Variants in SMPD3 observed in about 807,000 individuals in gnomAD.
SMPD3 encodes the protein sphingomyelin phosphodiesterase 3, also known as nSMase-2.
In SMPD3, 21 loss-of-function variants were observed where a neutral mutation model predicts 55.7. That is an observed-to-expected ratio of 0.38 (90% CI 0.27 to 0.54). The LOEUF (loss-of-function observed/expected upper bound fraction) is 0.54. Ranked by LOEUF, SMPD3 falls within the 20% of genes least tolerant of loss-of-function variation. SMPD3 has a pLI of 0.80. For synonymous variants in SMPD3, 457 were observed against 404.3 expected, an observed-to-expected ratio of 1.13 and a Z score of -1.56; for missense variants, 842 against 899.6, an observed-to-expected ratio of 0.94 and a Z score of 0.82.
chr16:68,432,122 A>AG (rs1288715804), intron 1 of SMPD3, among the ~76,000 whole-genome samples: 4 of 152,170 alleles, frequency 2.6e-5, no homozygotes, highest in Non-Finnish European at 5.9e-5. Context: ...TCGCAAAAAA[A>AG]AAAAAGAAAA....
intron 1 of SMPD3, among the ~76,000 whole-genome samples, chr16:68,436,957 A>T (rs2090527169): frequency 6.6e-6 from 1 of 152,210 alleles, no homozygotes; most frequent in African/African-American, 2.4e-5. Context: ...GTGTGAGATA[A>T]GGTTGGCAGT....
intron 1 of SMPD3, among the ~76,000 whole-genome samples, chr16:68,387,020 A>C (rs1488238230): frequency 6.6e-6 from 1 of 152,142 alleles, no homozygotes; most frequent in Non-Finnish European, 1.5e-5. Flanking sequence ...GAAGAGGTGA[A>C]TTCAAAAGCT....
In SMPD3 at chr16:68,419,055, T is replaced by G. The variant is rs886245399; in HGVS notation, c.-269+29298A>C. Among the ~76,000 whole-genome samples the G allele has an allele frequency of 7.9e-5, 12 of 152,074 alleles. 1 individual carries two copies. The highest frequency in any genetic ancestry group is 6.5e-4 in the Admixed American group (10 of 15,276). ...AGGGCAGGCCCCAGTATGGTCTATT[T>G]GTAGAAATAGGCCTCAGGAGAGGTG... On this transcript the variant is annotated intron_variant, in intron 1 of 8. Coordinates refer to ENST00000219334, the MANE Select transcript of SMPD3 (RefSeq NM_018667.4).
At chr16:68,412,713 G>T (rs577564778) in intron 1 of SMPD3, among the ~76,000 whole-genome samples, 1 of 152,304 alleles carries the variant, frequency 6.6e-6, no homozygotes, top group South Asian at 2.1e-4. Context: ...TGGAAAGCCT[G>T]CCAATTCCCA....
At chr16:68,384,370 C>G (rs992340018) in intron 2 of SMPD3, among the ~76,000 whole-genome samples, 1 of 152,216 alleles carries the variant, frequency 6.6e-6, no homozygotes, top group African/African-American at 2.4e-5. Flanking sequence ...TAGGCTGAGG[C>G]CAAACAGGCC....
At chr16:68,398,458 G>A (rs749059704) in intron 1 of SMPD3, among the ~76,000 whole-genome samples, 1 of 152,190 alleles carries the variant, frequency 6.6e-6, no homozygotes, top group South Asian at 2.1e-4. Flanking sequence ...TTTGAGCCCC[G>A]AGGAGGATCC....
intron 1 of SMPD3, among the ~76,000 whole-genome samples, chr16:68,398,176 A>G (rs2090176377): frequency 1.3e-5 from 2 of 152,194 alleles, no homozygotes; most frequent in African/African-American, 4.8e-5. Context: ...AAAGGGGGTC[A>G]AGGACAGAAG....
Position 68,365,058 on chromosome 16 carries a change from A to G in SMPD3, c.1358T>C (p.Ile453Thr). 1 of 1,614,078 alleles carries G rather than the reference A, an allele frequency of 6.2e-7. No homozygotes were observed. Among genetic ancestry groups the G allele is most frequent in the Non-Finnish European group, 8.5e-7 (1 of 1,180,000 alleles). The change falls in exon 4 of 9, where the codon ATC (isoleucine) becomes ACC (threonine). Residue 453 changes from isoleucine (I) to threonine (T), a missense_variant. By Grantham distance (89) the Ile-to-Thr change is moderately conservative. This residue lies in a region of SMPD3 where 649 missense variants were observed against 643.6 expected (regional missense o/e 1.01). Coordinates refer to ENST00000219334, the MANE Select transcript of SMPD3 (RefSeq NM_018667.4). Reference protein sequence around the residue: ...QVGSTPQDQRIVGYIACTHLH... With the variant: ...QVGSTPQDQRTVGYIACTHLH... ...GTGTGTGCAGGCGATGTACCCGACG[A>G]TTCTTTGGTCCTGAGGTGTGCTTCC...
intron 1 of SMPD3, among the ~76,000 whole-genome samples, chr16:68,412,891 G>A (rs528444735): frequency 1.3e-5 from 2 of 152,334 alleles, no homozygotes; most frequent in Admixed American, 1.3e-4. Flanking sequence ...TTGAAGAGGG[G>A]ATGGAAGAAC....
chr16:68,408,979 T>C (rs2090274430), intron 1 of SMPD3, among the ~76,000 whole-genome samples: 1 of 152,036 alleles, frequency 6.6e-6, no homozygotes. Flanking sequence ...CGCTATGGAG[T>C]GCACACCAAG....
Position 68,447,121 on chromosome 16 carries a change from G to T in SMPD3, c.-269+1232C>A, listed in dbSNP as rs1411221856. On this transcript the variant is annotated intron_variant, in intron 1 of 8. Transcript: ENST00000219334. The surrounding 1 kb of genome is among the most constrained non-coding windows in gnomAD (Gnocchi z 5.1). Reference sequence around the variant, plus strand: ...CCGCGCCCCCCGCCCAGCCCGCGGCGCAGGCCTGCCAGTGCGGCGACCGCC... The same window carrying T: ...CCGCGCCCCCCGCCCAGCCCGCGGCTCAGGCCTGCCAGTGCGGCGACCGCC... 6.6e-6 allele frequency among the ~76,000 whole-genome samples: 1 copy of T among 151,920 alleles called. No homozygotes were observed. Among genetic ancestry groups the T allele is most frequent in the Non-Finnish European group, 1.5e-5 (1 of 67,942 alleles).
chr16:68,365,604 G>A (rs1337642900), intron 3 of SMPD3, among the ~76,000 whole-genome samples: 1 of 152,032 alleles, frequency 6.6e-6, no homozygotes, highest in Non-Finnish European at 1.5e-5. Context: ...TCCTGGCCTC[G>A]TCGCCTTCTG....
intron 1 of SMPD3, among the ~76,000 whole-genome samples, chr16:68,434,631 T>G (rs1391514761): frequency 2.0e-5 from 3 of 152,216 alleles, no homozygotes; most frequent in Non-Finnish European, 4.4e-5. Context: ...GGTGGCCCCC[T>G]GTCATCTTGT....
At chr16:68,409,453 C>T (rs1260098979) in intron 1 of SMPD3, among the ~76,000 whole-genome samples, 1 of 152,128 alleles carries the variant, frequency 6.6e-6, no homozygotes, top group East Asian at 1.9e-4. Flanking sequence ...GTCAGGTTTC[C>T]TCTCTGGGAT....
At chr16:68,364,704 A>G (rs373648217) in intron 5 of SMPD3, 47 bp downstream of exon 5, 31 of 1,574,340 alleles carry the variant, frequency 2.0e-5, no homozygotes, top group South Asian at 2.3e-5. Flanking sequence ...CTGAGCCCAC[A>G]GCCTCCCCAG....
At chr16:68,373,023 C>G (rs2089714789) in intron 2 of SMPD3, among the ~76,000 whole-genome samples, 1 of 152,240 alleles carries the variant, frequency 6.6e-6, no homozygotes, top group African/African-American at 2.4e-5. Context: ...AAGCCTGGTG[C>G]TTCCACTCCA....
At chr16:68,400,029 A>G (rs1567800729) in intron 1 of SMPD3, among the ~76,000 whole-genome samples, 1 of 152,216 alleles carries the variant, frequency 6.6e-6, no homozygotes, top group Non-Finnish European at 1.5e-5. Context: ...ACAGATGAGG[A>G]AACTGAGGCC....
intron 7 of SMPD3, among the ~76,000 whole-genome samples, chr16:68,362,161 G>GGAGCT (rs2089309153): frequency 1.3e-5 from 2 of 152,208 alleles, no homozygotes; most frequent in South Asian, 2.1e-4. Context: ...CAGGTTGACA[G>GGAGCT]GAGCTGAGGG....
intron 2 of SMPD3, among the ~76,000 whole-genome samples, chr16:68,375,414 C>T (rs2089786829): frequency 6.6e-6 from 1 of 152,208 alleles, no homozygotes; most frequent in Admixed American, 6.5e-5. Context: ...CCTGTCTGCA[C>T]CATGCTGCCG....
Sources: gnomAD v4.1 joint callset for allele counts (sites outside exome capture counted in the v4.1 genomes callset) on GRCh38, gnomAD v4.1.1 for gene constraint, gnomAD v4.1.1 regional missense constraint, Gnocchi (gnomAD v3.1) non-coding constraint, MANE v1.5 for transcripts, NCBI Gene and HGNC (gene_info 2026-07-23, HGNC 2026-07-21) for gene names.